TNRC6C: variants seen among roughly 807,000 people sequenced by gnomAD.
TNRC6C encodes trinucleotide repeat-containing gene 6C protein.
Under a neutral mutation model 153.7 loss-of-function variants are expected in TNRC6C, and 20 were observed. The ratio of observed to expected loss-of-function variants is 0.13; its 90% CI spans 0.09 to 0.19. TNRC6C has a LOEUF of 0.19. Ranked by LOEUF, TNRC6C falls within the 10% of genes least tolerant of loss-of-function variation. TNRC6C has a pLI of 1.00. For missense variants in TNRC6C, 1,987 were observed against 2,172.0 expected, an observed-to-expected ratio of 0.91 and a Z score of 1.69; for synonymous variants, 811 against 841.4, an observed-to-expected ratio of 0.96 and a Z score of 0.63.
At chr17:78,042,643 A>G (rs1256934334) in intron 2 of TNRC6C, among the ~76,000 whole-genome samples, 1 of 151,848 alleles carries the variant, frequency 6.6e-6, no homozygotes, top group Non-Finnish European at 1.5e-5. Context: ...TATTCTGATT[A>G]AAAGAATATG....
chr17:78,061,485 T>TTAC (rs2072767039), intron 3 of TNRC6C, among the ~76,000 whole-genome samples: 1 of 152,184 alleles, frequency 6.6e-6, no homozygotes, highest in Non-Finnish European at 1.5e-5. Context: ...TAGGATGGCA[T>TTAC]TGTAGGTAAA....
chr17:78,086,001 C>T (rs1250038052), intron 11 of TNRC6C, among the ~76,000 whole-genome samples: 1 of 151,932 alleles, frequency 6.6e-6, no homozygotes, highest in Non-Finnish European at 1.5e-5. Context: ...GTGGATAAGA[C>T]ATTAATCTTT....
At chr17:78,038,315 A>G (rs1427344405) in intron 2 of TNRC6C, among the ~76,000 whole-genome samples, 1 of 152,196 alleles carries the variant, frequency 6.6e-6, no homozygotes, top group Non-Finnish European at 1.5e-5. Flanking sequence ...CCATAGAAGA[A>G]TGGGCAAAGA....
At chr17:78,032,604 G>C (rs992515831) in intron 2 of TNRC6C, among the ~76,000 whole-genome samples, 3 of 152,188 alleles carry the variant, frequency 2.0e-5, no homozygotes, top group Non-Finnish European at 4.4e-5. Context: ...CTAATAATTG[G>C]TGCTGTTTCT....
chr17:78,091,952 A>T (rs1013964535), intron 14 of TNRC6C, among the ~76,000 whole-genome samples: 3 of 152,344 alleles, frequency 2.0e-5, no homozygotes, highest in South Asian at 2.1e-4. Context: ...AAACATAAAT[A>T]GAAAATCAAA....
chr17:78,071,288 T>C (rs956765565), intron 6 of TNRC6C, 123 bp downstream of exon 8: 7 of 973,682 alleles, frequency 7.2e-6, no homozygotes, highest in Non-Finnish European at 7.9e-6. Flanking sequence ...GAATGAGATA[T>C]TGACATCATC....
intron 8 of TNRC6C, among the ~76,000 whole-genome samples, chr17:78,076,108 C>T (rs964506444): frequency 2.6e-5 from 4 of 151,280 alleles, no homozygotes; most frequent in Non-Finnish European, 5.9e-5. Context: ...CCCAGCTACT[C>T]GGGAGGCTGA....
At chr17:78,034,238 G>T (rs1008154060) in intron 2 of TNRC6C, among the ~76,000 whole-genome samples, 1 of 151,960 alleles carries the variant, frequency 6.6e-6, no homozygotes. Flanking sequence ...TGTATTTTTA[G>T]TAGAGAAGGC....
intron 16 of TNRC6C, among the ~76,000 whole-genome samples, chr17:78,094,222 C>T (rs564244992): frequency 3.8e-4 from 57 of 151,160 alleles, no homozygotes; most frequent in African/African-American, 1.3e-3. Context: ...CCTCAGGTGT[C>T]GCCCATGCTG....
intron 4 of TNRC6C, among the ~76,000 whole-genome samples, chr17:78,065,307 G>A (rs771204827): frequency 2.6e-5 from 4 of 151,402 alleles, no homozygotes; most frequent in Non-Finnish European, 5.9e-5. Flanking sequence ...AGCCATGACT[G>A]TACCACTCAT....
chr17:78,047,129 A>G (rs778101899), intron 2 of TNRC6C, among the ~76,000 whole-genome samples: 62 of 151,918 alleles, frequency 4.1e-4, no homozygotes, highest in Non-Finnish European at 6.6e-4. Context: ...GGGAACCCAA[A>G]CTGATGGTAA....
At chr17:78,054,501 A>C (rs1182640601) in intron 3 of TNRC6C, among the ~76,000 whole-genome samples, 2 of 152,012 alleles carry the variant, frequency 1.3e-5, no homozygotes, top group African/African-American at 4.8e-5. Flanking sequence ...ACTGTACACC[A>C]CTGCAAAGTA....
Position 78,075,390 on chromosome 17 carries a change from A to C in TNRC6C, c.3060+112A>C. 7.8e-7 allele frequency: 1 copy of C among 1,281,172 alleles called. No individual in the cohort carries two copies. Among genetic ancestry groups the C allele is most frequent in the Non-Finnish European group, 1.1e-6 (1 of 949,722 alleles). 79.4% of individuals were successfully genotyped at this position (1,281,172 alleles called of 1,614,324 possible). On this transcript the variant is annotated intron_variant, in intron 8 of 19. Coordinates refer to ENST00000301624, the Ensembl canonical transcript of TNRC6C. The surrounding 1 kb of genome is among the most constrained non-coding windows in gnomAD (Gnocchi z 4.2). The stretch of plus-strand genomic sequence containing the variant: ...AAAACTTGCTGGACTATAATACTTA[A>C]GTGACTTTTATCCATTTTTTTCTAA...
chr17:78,103,649 A>T, intron 19 of TNRC6C, 96 bp downstream of exon 22: 2 of 1,519,798 alleles, frequency 1.3e-6, no homozygotes, highest in Admixed American at 2.0e-5. Flanking sequence ...GAGCCACCAT[A>T]GCAGAATCCC....
intron 1 of TNRC6C, among the ~76,000 whole-genome samples, chr17:77,988,376 TAC>T (rs113058619): frequency 1.3e-5 from 2 of 151,720 alleles, no homozygotes; most frequent in African/African-American, 2.4e-5. Context: ...TATCTCTTTA[TAC>T]ACACACACAC....
intron 2 of TNRC6C, among the ~76,000 whole-genome samples, chr17:78,045,824 T>C (rs2072397710): frequency 6.6e-6 from 1 of 151,986 alleles, no homozygotes; most frequent in Non-Finnish European, 1.5e-5. Flanking sequence ...TTGAAAATAT[T>C]TTTTCAATAG....
intron 1 of TNRC6C, among the ~76,000 whole-genome samples, chr17:77,980,104 A>C (rs1385642679): frequency 6.6e-6 from 1 of 152,204 alleles, no homozygotes; most frequent in Non-Finnish European, 1.5e-5. Context: ...CCCAGCTGGA[A>C]GCATGGAGAT....
upstream of TNRC6C, among the ~76,000 whole-genome samples, chr17:77,957,927 T>TGTG (rs2070821071): frequency 6.6e-6 from 1 of 151,592 alleles, no homozygotes; most frequent in Non-Finnish European, 1.5e-5. Flanking sequence ...GCGGTGAAGG[T>TGTG]GTGGTGTCTG....
intron 1 of TNRC6C, among the ~76,000 whole-genome samples, chr17:78,025,011 C>G (rs776314806): frequency 4.0e-5 from 6 of 151,580 alleles, no homozygotes; most frequent in Non-Finnish European, 7.4e-5. Context: ...CCAGTGTGAT[C>G]TCAAACTCCT....
Sources: allele counts gnomAD v4.1 joint callset (sites outside exome capture counted in the v4.1 genomes callset), GRCh38; gene constraint gnomAD v4.1.1; non-coding constraint Gnocchi (gnomAD v3.1); transcripts MANE v1.5; gene names NCBI Gene and HGNC (gene_info 2026-07-23, HGNC 2026-07-21).